AGBL4: variants seen among roughly 807,000 people sequenced by gnomAD.
AGBL4 encodes AGBL carboxypeptidase 4.
In AGBL4, 58 loss-of-function variants were observed where a neutral mutation model predicts 66.4. The observed-to-expected ratio is 0.87, with a 90% confidence interval of 0.71 to 1.09. The LOEUF (loss-of-function observed/expected upper bound fraction) is 1.09, where lower values mean the gene tolerates loss of function less well. Among genes scored for constraint, AGBL4 ranks in the 50% least tolerant of loss-of-function variants. AGBL4 has a pLI of 0.00. For synonymous variants in AGBL4, 234 were observed against 222.9 expected, an observed-to-expected ratio of 1.05 and a Z score of -0.44; for missense variants, 579 against 631.0, an observed-to-expected ratio of 0.92 and a Z score of 0.88.
chr1:49,179,212 AAC>A (rs1646884265), intron 4 of AGBL4, among the ~76,000 whole-genome samples: 2 of 152,182 alleles, frequency 1.3e-5, no homozygotes, highest in Non-Finnish European at 2.9e-5. Flanking sequence ...GAATGCAAGT[AAC>A]CAGTAAGGAG....
chr1:49,040,167 T>C (rs1461817448), intron 5 of AGBL4, among the ~76,000 whole-genome samples: 2 of 152,044 alleles, frequency 1.3e-5, no homozygotes, highest in African/African-American at 4.8e-5. Flanking sequence ...GGGCAAATGA[T>C]TTGAACTGAC....
At chr1:49,555,868 G>A (rs1476189109) in intron 3 of AGBL4, among the ~76,000 whole-genome samples, 1 of 152,102 alleles carries the variant, frequency 6.6e-6, no homozygotes, top group African/African-American at 2.4e-5. Context: ...TCATTAAAAA[G>A]TCAGGAAACA....
At chr1:48,537,519 T>C (rs1269212983) in intron 12 of AGBL4, among the ~76,000 whole-genome samples, 6 of 152,112 alleles carry the variant, frequency 3.9e-5, no homozygotes, top group African/African-American at 1.4e-4. Context: ...ACACACTGCA[T>C]GGCAGGGTGA....
At chr1:48,599,156 A>G (rs938039865) in intron 9 of AGBL4, among the ~76,000 whole-genome samples, 1 of 152,194 alleles carries the variant, frequency 6.6e-6, no homozygotes, top group African/African-American at 2.4e-5. Flanking sequence ...GTCATCTCCT[A>G]TGATAACAAT....
chr1:49,879,403 T>C (rs1482937009), intron 1 of AGBL4, among the ~76,000 whole-genome samples: 3 of 149,536 alleles, frequency 2.0e-5, no homozygotes, highest in Non-Finnish European at 4.5e-5. Context: ...AGTATTTTAT[T>C]TCTCCTTCAC....
At chr1:49,873,742 G>T (rs1285441836) in intron 1 of AGBL4, among the ~76,000 whole-genome samples, 2 of 151,998 alleles carry the variant, frequency 1.3e-5, no homozygotes, top group Admixed American at 1.3e-4. Context: ...TTTGGAGAAA[G>T]GCACAGAACA....
chr1:48,839,920 T>C (rs143361227), intron 6 of AGBL4, among the ~76,000 whole-genome samples: 17 of 152,244 alleles, frequency 1.1e-4, no homozygotes, highest in African/African-American at 4.1e-4. Context: ...TCTTTTTATA[T>C]AAGAAGTCCT....
chr1:49,558,569 C>T (rs1643957946), intron 3 of AGBL4, among the ~76,000 whole-genome samples: 1 of 152,104 alleles, frequency 6.6e-6, no homozygotes, highest in Non-Finnish European at 1.5e-5. Context: ...TTGATCTCCT[C>T]ACCTCAGGAT....
intron 3 of AGBL4, among the ~76,000 whole-genome samples, chr1:49,669,147 G>A (rs953061464): frequency 1.3e-5 from 2 of 152,122 alleles, no homozygotes; most frequent in African/African-American, 4.8e-5. Context: ...ATGACCAAGT[G>A]ATGAGAATAG....
intron 4 of AGBL4, among the ~76,000 whole-genome samples, chr1:49,133,681 A>T (rs1395320527): frequency 6.6e-6 from 1 of 152,138 alleles, no homozygotes; most frequent in Admixed American, 6.6e-5. Flanking sequence ...GCAGTTTGAC[A>T]ATATGTGGAT....
intron 5 of AGBL4, among the ~76,000 whole-genome samples, chr1:48,919,673 A>G (rs538411626): frequency 7.9e-5 from 12 of 152,270 alleles, no homozygotes; most frequent in African/African-American, 2.9e-4. Flanking sequence ...TGTCTTATGC[A>G]TTGTAGGATG....
chr1:49,740,532 G>C (rs1650353360), intron 2 of AGBL4, among the ~76,000 whole-genome samples: 1 of 152,090 alleles, frequency 6.6e-6, no homozygotes, highest in Non-Finnish European at 1.5e-5. Context: ...ATTGAATTCA[G>C]CTCTGCACCA....
At chr1:49,497,057 A>C (rs759257751) in intron 3 of AGBL4, among the ~76,000 whole-genome samples, 4 of 151,958 alleles carry the variant, frequency 2.6e-5, no homozygotes, top group Non-Finnish European at 5.9e-5. Context: ...TCTTTGTGGT[A>C]ATAGTCACTC....
intron 6 of AGBL4, among the ~76,000 whole-genome samples, chr1:48,717,233 T>C (rs1647066502): frequency 1.3e-5 from 2 of 152,224 alleles, no homozygotes; most frequent in Admixed American, 6.5e-5. Flanking sequence ...TCTTTTGCAC[T>C]CTTCCCCACA....
At chr1:50,011,096 T>C (rs1572054842) in intron 1 of AGBL4, among the ~76,000 whole-genome samples, 1 of 152,210 alleles carries the variant, frequency 6.6e-6, no homozygotes, top group East Asian at 1.9e-4. Flanking sequence ...CAGAATCCTA[T>C]CAGATAAATT....
At chr1:48,522,904 C>T in the AGBL4 span, among the ~76,000 whole-genome samples, 1 of 143,540 alleles carries the variant, frequency 7.0e-6, no homozygotes. Flanking sequence ...CCAGCCTGGG[C>T]GACAGGGCAA....
intron 1 of AGBL4, among the ~76,000 whole-genome samples, chr1:50,000,738 A>G (rs1050544793): frequency 6.6e-6 from 1 of 152,230 alleles, no homozygotes; most frequent in Non-Finnish European, 1.5e-5. Context: ...CTACTCAGCC[A>G]TAAAAAGGAA....
intron 6 of AGBL4, among the ~76,000 whole-genome samples, chr1:48,752,713 T>C (rs115018277): frequency 0.026 from 3,950 of 152,244 alleles, 146 homozygotes; most frequent in African/African-American, 0.09. Context: ...ACCTACTATA[T>C]GCCAGCCTCC....
intron 7 of AGBL4, among the ~76,000 whole-genome samples, chr1:48,661,392 C>G (rs1189554080): frequency 1.3e-5 from 2 of 152,202 alleles, no homozygotes; most frequent in African/African-American, 4.8e-5. Flanking sequence ...ACCGCCCACT[C>G]AAGGTTTCAG....
Sources: gnomAD v4.1 joint callset for allele counts (sites outside exome capture counted in the v4.1 genomes callset) on GRCh38, gnomAD v4.1.1 for gene constraint, MANE v1.5 for transcripts, NCBI Gene and HGNC (gene_info 2026-07-23, HGNC 2026-07-21) for gene names.